ALDH2: variants seen among roughly 807,000 people sequenced by gnomAD.
ALDH2 encodes the protein aldehyde dehydrogenase 2 family member.
A neutral mutation model predicts 59.6 loss-of-function variants in ALDH2; 44 were observed. That is an observed-to-expected ratio of 0.74 (90% CI 0.58 to 0.95). The LOEUF is 0.95. ALDH2 is among the 40% of genes least tolerant of loss of function. The pLI is 0.00. For synonymous variants in ALDH2, 291 were observed against 284.0 expected (o/e 1.02, Z -0.25); for missense variants, 570 against 696.3 (o/e 0.82, Z 2.04).
chr12:111,769,333 G>C (rs754171869), intron 1 of ALDH2, among the ~76,000 whole-genome samples: 1 of 152,208 alleles, frequency 6.6e-6, no homozygotes, highest in Admixed American at 6.5e-5. Flanking sequence ...TGGGAAGATC[G>C]CTTGAGATTA....
At chr12:111,773,462 A>G (rs184399194) in intron 1 of ALDH2, among the ~76,000 whole-genome samples, 13 of 152,108 alleles carry the variant, frequency 8.5e-5, no homozygotes, top group Non-Finnish European at 1.6e-4. Context: ...TTCATCACCT[A>G]TTTTCCATCA....
chr12:111,808,715 A>T (rs997771162), intron 12 of ALDH2, among the ~76,000 whole-genome samples: 1 of 151,980 alleles, frequency 6.6e-6, no homozygotes, highest in Admixed American at 6.6e-5. Context: ...AAAAAAAAAA[A>T]TTTAAGAAAC....
chr12:111,782,569 A>G (rs2068279823), intron 2 of ALDH2, among the ~76,000 whole-genome samples: 1 of 152,204 alleles, frequency 6.6e-6, no homozygotes. Flanking sequence ...GTAAACAAAG[A>G]AACAAATAAG....
chr12:111,771,700 G>A (rs992566233), intron 1 of ALDH2, among the ~76,000 whole-genome samples: 10 of 152,220 alleles, frequency 6.6e-5, no homozygotes, highest in African/African-American at 2.4e-4. Context: ...AGAATGTGCT[G>A]GAAGGAAAAT....
Position 111,815,854 on chromosome 12 carries a change from T to C in ALDH2, c.*6279T>C, listed in dbSNP as rs988148649. On this transcript the variant is annotated 3_prime_UTR_variant, in exon 13 of 13. Coordinates refer to ENST00000261733, the MANE Select transcript of ALDH2 (RefSeq NM_000690.4). ...GTTGCTCAGGCTGGTCTCGAACTCC[T>C]GGCCTCAAGTCATCCTGCTGGCTTG... 7 of 151,654 alleles carry C rather than the reference T, an allele frequency of 4.6e-5. No individual in the cohort carries two copies. The highest frequency in any genetic ancestry group is 1.7e-4 in the African/African-American group (7 of 41,212). 9.4% of individuals were successfully genotyped at this position (151,654 alleles called of 1,614,324 possible).
At chr12:111,806,676 T>C (rs2068497363) in intron 12 of ALDH2, among the ~76,000 whole-genome samples, 1 of 152,182 alleles carries the variant, frequency 6.6e-6, no homozygotes, top group South Asian at 2.1e-4. Flanking sequence ...AGAATAGGTA[T>C]AATGGTAGAA....
In ALDH2 at chr12:111,767,061, GC is replaced by G; in HGVS notation, c.84del (p.Asn29ThrfsTer13). On this transcript the variant is annotated frameshift_variant, in exon 1 of 13. Coordinates refer to ENST00000261733, the MANE Select transcript of ALDH2 (RefSeq NM_000690.4). LOFTEE classifies it high-confidence loss of function. ...LSAAATQAVPAPNQQPEVFCN... is the reference protein window; with the variant it reads ...LSAAATQAVPXPNQQPEVFCN... The stretch of plus-strand genomic sequence containing the variant: ...AGCCGCCGCCACCCAGGCCGTGCCT[GC>G]CCCCAACCAGCAGCCCGAGGTCTTC... 1.3e-6 allele frequency: 2 copies of G among 1,528,798 alleles called. No homozygotes were observed. 94.7% of individuals were successfully genotyped at this position (1,528,798 alleles called of 1,614,324 possible).
chr12:111,802,461 A>G (rs1353496177), intron 11 of ALDH2, among the ~76,000 whole-genome samples: 4 of 151,606 alleles, frequency 2.6e-5, no homozygotes, highest in African/African-American at 9.7e-5. Context: ...GGCACCTGTA[A>G]TCCCAGCTAC....
At chr12:111,809,425 G>A (rs2068519824) in intron 12 of ALDH2, 118 bp from the exon 13 acceptor site, 5 of 1,123,092 alleles carry the variant, frequency 4.5e-6, no homozygotes, top group Non-Finnish European at 6.6e-6. Context: ...CTGTACTCCA[G>A]TCTGGGGAGA....
chr12:111,782,858 T>C (rs1406138433), intron 2 of ALDH2, among the ~76,000 whole-genome samples: 1 of 150,860 alleles, frequency 6.6e-6, no homozygotes, highest in Non-Finnish European at 1.5e-5. Context: ...TACTCCAGCC[T>C]GGGCGACAGA....
Position 111,798,137 on chromosome 12 carries a change from G to GGC in ALDH2, c.1145_1146dup (p.Lys383ArgfsTer29), listed in dbSNP as rs773035280. On this transcript the variant is annotated frameshift_variant, in exon 10 of 13. Transcript: ENST00000261733. LOFTEE classifies it high-confidence loss of function. ...ACATCAACACGGGGAAGCAAGAGGGGGCGAAGCTGCTGTGTGGTGGGGGCA... is the reference window on the plus strand; with the variant it reads ...ACATCAACACGGGGAAGCAAGAGGGGGCGCGAAGCTGCTGTGTGGTGGGGGCA... 6.2e-7 allele frequency: 1 copy of GGC among 1,613,932 alleles called. No homozygotes were observed. The highest frequency in any genetic ancestry group is 8.5e-7 in the Non-Finnish European group (1 of 1,179,918).
intron 9 of ALDH2, among the ~76,000 whole-genome samples, chr12:111,797,870 T>C (rs913513866): frequency 6.6e-6 from 1 of 152,204 alleles, no homozygotes; most frequent in Non-Finnish European, 1.5e-5. Context: ...TAAAGATTGA[T>C]TTGATGTCCT....
intron 1 of ALDH2, among the ~76,000 whole-genome samples, chr12:111,768,217 T>A (rs966067768): frequency 1.3e-5 from 2 of 152,022 alleles, no homozygotes; most frequent in East Asian, 3.9e-4. Flanking sequence ...GAACATTCCA[T>A]GGTATGTTGT....
In ALDH2 at chr12:111,798,139, C is replaced by A. The variant is rs372769067; in HGVS notation, c.1145C>A (p.Ala382Glu). 3 of 1,613,620 alleles carry A rather than the reference C, an allele frequency of 1.9e-6. No homozygotes were observed. ...GYINTGKQEGAKLLCGGGIAA... is the reference protein window; with the variant it reads ...GYINTGKQEGEKLLCGGGIAA... ...ATCAACACGGGGAAGCAAGAGGGGG[C>A]GAAGCTGCTGTGTGGTGGGGGCATT... Residue 382 changes from alanine to glutamate, a missense_variant, in exon 10 of 13, where the codon GCG (alanine) becomes GAG (glutamate). Coordinates refer to ENST00000261733, the MANE Select transcript of ALDH2 (RefSeq NM_000690.4).
At chr12:111,767,440 C>A (rs1346016651) in intron 1 of ALDH2, among the ~76,000 whole-genome samples, 1 of 152,182 alleles carries the variant, frequency 6.6e-6, no homozygotes, top group Non-Finnish European at 1.5e-5. Context: ...TCAGAAGACG[C>A]GACCAAGTCC....
At chr12:111,806,737 C>T (rs911618815) in intron 12 of ALDH2, among the ~76,000 whole-genome samples, 9 of 151,530 alleles carry the variant, frequency 5.9e-5, no homozygotes, top group South Asian at 4.2e-4. Context: ...TTTGGGAGGC[C>T]GAGATGGGCA....
intron 1 of ALDH2, among the ~76,000 whole-genome samples, chr12:111,781,305 G>A (rs1299170470): frequency 6.6e-6 from 1 of 152,130 alleles, no homozygotes; most frequent in African/African-American, 2.4e-5. Context: ...TGGCAGAAAT[G>A]AGGCCAAGTG....
intron 1 of ALDH2, among the ~76,000 whole-genome samples, chr12:111,773,384 C>T (rs1245994719): frequency 6.6e-6 from 1 of 152,200 alleles, no homozygotes; most frequent in African/African-American, 2.4e-5. Flanking sequence ...CTCCTGAGGT[C>T]AAGCTGAGTT....
At position 111,817,144 on chromosome 12, in the gene ALDH2, A is replaced by C. The variant is rs959782560; in HGVS notation, c.*7569A>C. Reference sequence around the variant, plus strand: ...CATGCTTGGTTGGCTATACGCATCCAGTTTTCCATGTACTGAGTTGTTTGA... The same window carrying C: ...CATGCTTGGTTGGCTATACGCATCCCGTTTTCCATGTACTGAGTTGTTTGA... On this transcript the variant is annotated 3_prime_UTR_variant, in exon 13 of 13. Transcript: ENST00000261733. 1.3e-5 allele frequency: 2 copies of C among 152,236 alleles called. No individual in the cohort carries two copies. Among genetic ancestry groups the C allele is most frequent in the African/African-American group, 4.8e-5 (2 of 41,466 alleles). The allele number at this position is 152,236 out of a possible 1,614,324, so 9.4% of individuals were successfully genotyped here.
Sources: allele counts gnomAD v4.1 joint callset (sites outside exome capture counted in the v4.1 genomes callset), GRCh38; gene constraint gnomAD v4.1.1; transcripts MANE v1.5; gene names NCBI Gene and HGNC (gene_info 2026-07-23, HGNC 2026-07-21).